Variants in CREM observed in about 807,000 individuals in gnomAD.
CREM encodes cAMP-responsive element modulator.
CREM carries 13 observed loss-of-function variants against 37.3 expected under a neutral mutation model. The observed-to-expected ratio is 0.35, with a 90% CI of 0.23 to 0.55. The LOEUF (loss-of-function observed/expected upper bound fraction) is 0.55, where lower values mean the gene tolerates loss of function less well. Ranked by LOEUF, CREM falls within the 20% of genes least tolerant of loss-of-function variation. The pLI, the probability that CREM is intolerant of heterozygous loss-of-function variation, is 0.88. For missense variants in CREM, 296 were observed against 362.3 expected (o/e 0.82, Z 1.49); for synonymous variants, 124 against 120.2 (o/e 1.03, Z -0.21).
At chr10:35,155,945 C>CTTTT (rs34319028) in intron 3 of CREM, among the ~76,000 whole-genome samples, 1 of 139,444 alleles carries the variant, frequency 7.2e-6, no homozygotes, top group Admixed American at 7.1e-5. Context: ...TTCTTTCTTT[C>CTTTT]TTTTTTTTTT....
intron 6 of CREM, among the ~76,000 whole-genome samples, chr10:35,201,700 G>A (rs191512953): frequency 1.3e-4 from 19 of 151,682 alleles, no homozygotes; most frequent in African/African-American, 3.9e-4. Context: ...TAATGAGAAC[G>A]CCTTTGCTTT....
intron 5 of CREM, among the ~76,000 whole-genome samples, chr10:35,185,379 C>T (rs1258846845): frequency 6.6e-6 from 1 of 152,124 alleles, no homozygotes; most frequent in African/African-American, 2.4e-5. Context: ...GCTGGGATTA[C>T]AGATGTGAGC....
chr10:35,166,600 G>A (rs548750218), intron 3 of CREM, among the ~76,000 whole-genome samples: 45 of 151,846 alleles, frequency 3.0e-4, no homozygotes, highest in African/African-American at 1.0e-3. Context: ...GTGGTGGCGG[G>A]CACCTGTAAT....
At chr10:35,191,014 C>G (rs934812965) in intron 6 of CREM, among the ~76,000 whole-genome samples, 1 of 152,100 alleles carries the variant, frequency 6.6e-6, no homozygotes, top group African/African-American at 2.4e-5. Flanking sequence ...TTAAGTTGAC[C>G]TATCCCAAAC....
At chr10:35,157,346 C>T (rs769369873) in intron 3 of CREM, among the ~76,000 whole-genome samples, 1 of 151,906 alleles carries the variant, frequency 6.6e-6, no homozygotes, top group Non-Finnish European at 1.5e-5. Flanking sequence ...GATAAGGATA[C>T]CAGGCCAGGT....
intron 2 of CREM, among the ~76,000 whole-genome samples, chr10:35,138,772 C>T (rs1487282733): frequency 2.0e-5 from 3 of 150,830 alleles, no homozygotes; most frequent in Non-Finnish European, 4.4e-5. Context: ...TCTGTAATCC[C>T]AGCACTTTGA....
chr10:35,150,643 G>T (rs1269879342), intron 3 of CREM, among the ~76,000 whole-genome samples: 3 of 152,058 alleles, frequency 2.0e-5, no homozygotes, highest in Non-Finnish European at 2.9e-5. Flanking sequence ...CCAACATGAA[G>T]AAACCCTGTC....
Position 35,127,163 on chromosome 10 carries a change from G to A in CREM, c.-85G>A, listed in dbSNP as rs1455937204. On this transcript the variant is annotated 5_prime_UTR_variant, in exon 1 of 8. Coordinates refer to ENST00000685392, the MANE Select transcript of CREM (RefSeq NM_183011.2). ...CCTCCTCGCGTCCGTAATCAGTGAC[G>A]AGGTCCGCTACGTAAATCCCTTTGC... is the stretch of plus-strand genomic sequence containing the variant. The A allele has an allele frequency of 2.0e-5, 3 of 152,736 alleles. No individual in the cohort carries two copies. Among genetic ancestry groups the A allele is most frequent in the African/African-American group, 7.2e-5 (3 of 41,562 alleles). The allele number at this position is 152,736 out of a possible 1,614,324, so 9.5% of individuals were successfully genotyped here.
chr10:35,175,095 C>G (rs1444784586), intron 3 of CREM, among the ~76,000 whole-genome samples: 1 of 152,160 alleles, frequency 6.6e-6, no homozygotes, highest in Non-Finnish European at 1.5e-5. Context: ...AGTCTAGAGA[C>G]AAAGCATCAG....
chr10:35,190,555 CAG>C (rs1257417692), intron 6 of CREM, among the ~76,000 whole-genome samples: 2 of 152,084 alleles, frequency 1.3e-5, no homozygotes, highest in African/African-American at 4.8e-5. Flanking sequence ...CAGTTTGATA[CAG>C]AGTTAGTTTT....
chr10:35,132,075 C>T (rs928805537), intron 1 of CREM, among the ~76,000 whole-genome samples: 4 of 151,908 alleles, frequency 2.6e-5, no homozygotes, highest in South Asian at 2.1e-4. Flanking sequence ...GTGGCTCGCG[C>T]GTGTAATCCC....
rs1425381380 is a variant in CREM at position 35,212,092 on chromosome 10, TC to T, written c.*696del. On this transcript the variant is annotated 3_prime_UTR_variant, in exon 8 of 8. Transcript: ENST00000685392. The stretch of plus-strand genomic sequence containing the variant: ...CCCATTCTATGTGTCATCAATAGTG[TC>T]CTATGCAATAAAATTATTTGCAGGT... 2.0e-5 allele frequency: 5 copies of T among 247,242 alleles called. No individual in the cohort carries two copies. The highest frequency in any genetic ancestry group is 3.8e-5 in the Non-Finnish European group (5 of 130,886). The allele number at this position is 247,242 out of a possible 1,614,324, so 15.3% of individuals were successfully genotyped here. A position where few individuals can be genotyped will look rare whatever the true frequency, so the allele number is the denominator to read the frequency against.
intron 3 of CREM, among the ~76,000 whole-genome samples, chr10:35,157,903 A>G (rs536075747): frequency 3.4e-4 from 52 of 152,298 alleles, no homozygotes; most frequent in Non-Finnish European, 5.7e-4. Flanking sequence ...GTTGCAGGAT[A>G]TGAAATCAAC....
chr10:35,137,134 T>C (rs1456362502), intron 1 of CREM, among the ~76,000 whole-genome samples: 2 of 152,230 alleles, frequency 1.3e-5, no homozygotes, highest in Non-Finnish European at 2.9e-5. Context: ...TTTGTCTTTT[T>C]CTTTGCCAGT....
At chr10:35,188,174 A>G (rs767644228) in intron 5 of CREM, 26 bp from the exon 6 acceptor site, 2 of 1,586,858 alleles carry the variant, frequency 1.3e-6, no homozygotes, top group South Asian at 2.3e-5. Context: ...GAAATTCTCT[A>G]ATATTTCTTT....
At chr10:35,188,019 C>A (rs2094726338) in intron 5 of CREM, among the ~76,000 whole-genome samples, 181 bp from the exon 6 acceptor site, 1 of 152,184 alleles carries the variant, frequency 6.6e-6, no homozygotes, top group Admixed American at 6.6e-5. Flanking sequence ...TGTTTATAAG[C>A]TTTTCCTAGA....
Position 35,147,041 on chromosome 10 carries a change from G to GTTT in CREM, c.45-1302_45-1300dup, listed in dbSNP as rs755346866. 9.2e-4 allele frequency among the ~76,000 whole-genome samples: 111 copies of GTTT among 120,988 alleles called. 1 individual carries two copies. Among genetic ancestry groups the GTTT allele is most frequent in the African/African-American group, 2.7e-3 (86 of 31,452 alleles). The allele number at this position is 120,988 out of a possible 152,430, so 79.4% of individuals were successfully genotyped here. On this transcript the variant is annotated intron_variant, in intron 2 of 7. Coordinates refer to ENST00000685392, the MANE Select transcript of CREM (RefSeq NM_183011.2). Reference sequence around the variant, plus strand: ...GGAGTAGTTTCTATAAGTTTTTTGGGTTTTTTTTTTTTTTTTTTTTTTTTT... The same window carrying GTTT: ...GGAGTAGTTTCTATAAGTTTTTTGGGTTTTTTTTTTTTTTTTTTTTTTTTTTTT...
chr10:35,168,777 A>G (rs897226287), intron 3 of CREM, among the ~76,000 whole-genome samples: 2 of 152,190 alleles, frequency 1.3e-5, no homozygotes, highest in African/African-American at 4.8e-5. Flanking sequence ...TTTTTGTACA[A>G]GGTGTAAGGA....
intron 5 of CREM, among the ~76,000 whole-genome samples, chr10:35,184,152 A>G (rs753124230): frequency 6.6e-6 from 1 of 152,168 alleles, no homozygotes; most frequent in Non-Finnish European, 1.5e-5. Context: ...AGTCCCAGCT[A>G]CTCAGAAGGC....
Sources: allele counts gnomAD v4.1 joint callset (sites outside exome capture counted in the v4.1 genomes callset), GRCh38; gene constraint gnomAD v4.1.1; transcripts MANE v1.5; gene names NCBI Gene and HGNC (gene_info 2026-07-23, HGNC 2026-07-21).